Variants in HPSE2 observed in about 807,000 individuals in gnomAD.
HPSE2 encodes the protein inactive heparanase-2.
A neutral mutation model predicts 60.5 loss-of-function variants in HPSE2; 38 were observed. That is an observed-to-expected ratio of 0.63 (90% CI 0.48 to 0.82). The LOEUF (loss-of-function observed/expected upper bound fraction) is 0.82, where lower values mean the gene tolerates loss of function less well. Ranked by LOEUF, HPSE2 falls within the 40% of genes least tolerant of loss-of-function variation. HPSE2 has a pLI of 0.00. For synonymous variants in HPSE2, 295 were observed against 293.2 expected, an observed-to-expected ratio of 1.01 and a Z score of -0.06; for missense variants, 713 against 740.4, an observed-to-expected ratio of 0.96 and a Z score of 0.43.
At chr10:98,748,917 T>C (rs760972355) in intron 3 of HPSE2, among the ~76,000 whole-genome samples, 5 of 151,784 alleles carry the variant, frequency 3.3e-5, no homozygotes, top group Non-Finnish European at 7.4e-5. Flanking sequence ...ACAGTGAGGT[T>C]AGAAATTAGA....
At chr10:98,584,240 A>T (rs1453083304) in intron 9 of HPSE2, among the ~76,000 whole-genome samples, 1 of 152,082 alleles carries the variant, frequency 6.6e-6, no homozygotes, top group African/African-American at 2.4e-5. Flanking sequence ...ACATACATTA[A>T]CTCCAAAATC....
At chr10:99,151,825 A>G (rs1846276520) in intron 2 of HPSE2, among the ~76,000 whole-genome samples, 1 of 152,208 alleles carries the variant, frequency 6.6e-6, no homozygotes, top group African/African-American at 2.4e-5. Flanking sequence ...CTGAAACAGG[A>G]GGACTGCTTG....
At chr10:99,036,929 G>GT (rs1419369689) in intron 3 of HPSE2, among the ~76,000 whole-genome samples, 2 of 152,098 alleles carry the variant, frequency 1.3e-5, no homozygotes, top group Non-Finnish European at 2.9e-5. Context: ...GGGGAAAATT[G>GT]TAAGTTAACA....
chr10:99,042,336 C>A (rs1457581531), intron 3 of HPSE2, among the ~76,000 whole-genome samples: 2 of 151,976 alleles, frequency 1.3e-5, no homozygotes, highest in East Asian at 3.9e-4. Flanking sequence ...AGCTGCCCAC[C>A]CACAGCTGAT....
At chr10:98,752,162 G>A (rs1949772608) in intron 3 of HPSE2, among the ~76,000 whole-genome samples, 1 of 152,018 alleles carries the variant, frequency 6.6e-6, no homozygotes, top group African/African-American at 2.4e-5. Context: ...GGAATTTTCA[G>A]GCTCTGAAAA....
chr10:99,305,971 G>GCACACACACACACACACACA, the HPSE2 span, among the ~76,000 whole-genome samples: 76 of 41,950 alleles, frequency 1.8e-3, 1 homozygote, highest in Middle Eastern at 9.8e-3. Flanking sequence ...ACGCGCGCGC[G>GCACACACACACACACACACA]CGCGCGCGCA....
chr10:98,991,682 G>T (rs1244712186), intron 3 of HPSE2, among the ~76,000 whole-genome samples: 1 of 152,086 alleles, frequency 6.6e-6, no homozygotes, highest in African/African-American at 2.4e-5. Context: ...GAAAGTAAAG[G>T]ATAAAGGAGG....
At chr10:98,539,861 C>G (rs1286432690) in intron 9 of HPSE2, among the ~76,000 whole-genome samples, 5 of 151,740 alleles carry the variant, frequency 3.3e-5, no homozygotes, top group African/African-American at 4.8e-5. Context: ...CCACCTTAGG[C>G]ACACCTTTCC....
chr10:98,738,639 C>A (rs774078417), intron 4 of HPSE2, among the ~76,000 whole-genome samples: 32 of 150,970 alleles, frequency 2.1e-4, no homozygotes, highest in African/African-American at 3.2e-4. Flanking sequence ...AGAAAAAAAA[C>A]CCCCATCAAG....
chr10:98,678,940 A>T (rs1947715249), intron 6 of HPSE2, among the ~76,000 whole-genome samples: 1 of 152,144 alleles, frequency 6.6e-6, no homozygotes, highest in South Asian at 2.1e-4. Flanking sequence ...CAAAACAAAC[A>T]AACAAACAAA....
At chr10:98,971,977 T>A (rs1020639351) in intron 3 of HPSE2, among the ~76,000 whole-genome samples, 6 of 152,162 alleles carry the variant, frequency 3.9e-5, no homozygotes, top group African/African-American at 1.4e-4. Context: ...TACATCTTTT[T>A]ATATTGTTTA....
the HPSE2 span, among the ~76,000 whole-genome samples, chr10:99,306,859 C>G: frequency 6.6e-6 from 1 of 152,040 alleles, no homozygotes; most frequent in African/African-American, 2.4e-5. Context: ...TACAGGCATG[C>G]GGCACCATGC....
chr10:98,976,722 T>C (rs897334066), intron 3 of HPSE2, among the ~76,000 whole-genome samples: 4 of 149,284 alleles, frequency 2.7e-5, no homozygotes, highest in African/African-American at 1.0e-4. Flanking sequence ...CAATTGTTGC[T>C]ATCCGTGGTA....
chr10:99,180,322 C>T (rs542336296), intron 2 of HPSE2, among the ~76,000 whole-genome samples: 1 of 152,196 alleles, frequency 6.6e-6, no homozygotes, highest in South Asian at 2.1e-4. Context: ...GAACAGGCAA[C>T]CTACAGCATG....
chr10:98,542,588 TAGA>T (rs886834908), intron 9 of HPSE2, among the ~76,000 whole-genome samples: 5 of 151,922 alleles, frequency 3.3e-5, no homozygotes. Context: ...GAAAAAAATT[TAGA>T]AGAATATGTA....
chr10:98,525,106 G>A (rs997683876), intron 9 of HPSE2, among the ~76,000 whole-genome samples: 1 of 152,178 alleles, frequency 6.6e-6, no homozygotes, highest in African/African-American at 2.4e-5. Context: ...CACCTCCTGA[G>A]TTCAAGTGAT....
chr10:98,723,623 G>A (rs982887176), intron 4 of HPSE2, among the ~76,000 whole-genome samples: 1 of 152,042 alleles, frequency 6.6e-6, no homozygotes, highest in Non-Finnish European at 1.5e-5. Flanking sequence ...AAGCTCTTAA[G>A]TATTGCCTCA....
intron 3 of HPSE2, among the ~76,000 whole-genome samples, chr10:98,757,148 G>T (rs1333500366): frequency 6.6e-6 from 1 of 151,972 alleles, no homozygotes; most frequent in Non-Finnish European, 1.5e-5. Flanking sequence ...TGTTAAACAT[G>T]CTCAACAAAG....
At chr10:98,578,307 T>A (rs1281299726) in intron 9 of HPSE2, among the ~76,000 whole-genome samples, 1 of 152,198 alleles carries the variant, frequency 6.6e-6, no homozygotes, top group Non-Finnish European at 1.5e-5. Context: ...CCATTGGAGA[T>A]GGCCCAGTCT....
Sources: gnomAD v4.1 joint callset for allele counts (sites outside exome capture counted in the v4.1 genomes callset) on GRCh38, gnomAD v4.1.1 for gene constraint, MANE v1.5 for transcripts, NCBI Gene and HGNC (gene_info 2026-07-23, HGNC 2026-07-21) for gene names.